Variants in RPS6KA1 observed in about 807,000 individuals in gnomAD.
The protein encoded by RPS6KA1 is ribosomal protein S6 kinase A1, also known as ribosomal protein S6 kinase alpha-1.
A neutral mutation model predicts 91.3 loss-of-function variants in RPS6KA1; 48 were observed. The observed-to-expected ratio is 0.53, with a 90% CI of 0.42 to 0.67. RPS6KA1 has a LOEUF of 0.67. Ranked by LOEUF, RPS6KA1 falls within the 30% of genes least tolerant of loss-of-function variation. RPS6KA1 has a pLI of 0.00. For synonymous variants in RPS6KA1, 359 were observed against 384.7 expected, an observed-to-expected ratio of 0.93 and a Z score of 0.78; for missense variants, 719 against 960.5, an observed-to-expected ratio of 0.75 and a Z score of 3.32.
At chr1:26,530,015 C>A in intron 1 of RPS6KA1, 32 bp downstream of exon 1, 2 of 1,305,824 alleles carry the variant, frequency 1.5e-6, no homozygotes, top group South Asian at 3.9e-5. Context: ...CGGGCGCCCG[C>A]GGCCGGCGAG....
chr1:26,554,187 G>T lies in RPS6KA1; in HGVS notation c.576-27G>T. The stretch of plus-strand genomic sequence containing the variant: ...TCACCCACACGGCCACAGCTGAGGG[G>T]CCCTGACCACTATTTCTCTATTACA... On this transcript the variant is annotated intron_variant, in intron 7 of 21. Transcript: ENST00000374168. This position sits in a 1 kb window ranked among gnomAD's most constrained non-coding sequence, Gnocchi z 4.6. 1 of 1,551,666 alleles carries T rather than the reference G, an allele frequency of 6.4e-7. No individual in the cohort carries two copies. Among genetic ancestry groups the T allele is most frequent in the Non-Finnish European group, 8.7e-7 (1 of 1,146,996 alleles).
Position 26,574,262 on chromosome 1 carries a change from G to C in RPS6KA1, c.*61G>C. The C allele has an allele frequency of 6.2e-7, 1 of 1,605,974 alleles. No homozygotes were observed. The highest frequency in any genetic ancestry group is 1.3e-5 in the African/African-American group (1 of 74,892). ...CTTGACACAGTCAGCATGCTTCCCA[G>C]AGGGAGCAGGCCGGAACCACAGGGC... On this transcript the variant is annotated 3_prime_UTR_variant, in exon 22 of 22. Coordinates refer to ENST00000374168, the MANE Select transcript of RPS6KA1 (RefSeq NM_002953.4). The surrounding 1 kb of genome is among the most constrained non-coding windows in gnomAD (Gnocchi z 4.3).
chr1:26,551,567 G>A lies in RPS6KA1; in HGVS notation c.389-77G>A. On this transcript the variant is annotated intron_variant, in intron 5 of 21. Transcript: ENST00000374168. This position sits in a 1 kb window ranked among gnomAD's most constrained non-coding sequence, Gnocchi z 4.5. ...ACACTGTCCCACCGCCTGCCTGGCA[G>A]GCCAAGGGAGCCAGGGCCGGAGAAG... is the stretch of plus-strand genomic sequence containing the variant. 1.9e-6 allele frequency: 3 copies of A among 1,597,422 alleles called. No individual in the cohort carries two copies. Among genetic ancestry groups the A allele is most frequent in the Non-Finnish European group, 2.6e-6 (3 of 1,164,844 alleles).
At chr1:26,543,134 C>T in intron 2 of RPS6KA1, 1 of 1,535,258 alleles carries the variant, frequency 6.5e-7, no homozygotes, top group Non-Finnish European at 8.7e-7. Flanking sequence ...AGTAACGGGG[C>T]CCTCTGGTCA....
At chr1:26,545,735 G>C (rs573275442) in intron 2 of RPS6KA1, 2 of 951,584 alleles carry the variant, frequency 2.1e-6, no homozygotes, top group African/African-American at 3.5e-5. Context: ...AACGTGGTGA[G>C]GGTGTAGGCC....
At position 26,554,105 on chromosome 1, in the gene RPS6KA1, T is replaced by C; in HGVS notation, c.576-109T>C. The C allele has an allele frequency of 1.8e-6, 2 of 1,136,158 alleles. No homozygotes were observed. Among genetic ancestry groups the C allele is most frequent in the Non-Finnish European group, 2.5e-6 (2 of 797,446 alleles). The allele number at this position is 1,136,158 out of a possible 1,614,324, so 70.4% of individuals were successfully genotyped here. The stretch of plus-strand genomic sequence containing the variant: ...CACCCGCCCAGTCATCAGAGAGAAT[T>C]GGGTGGAGCACCTCCTCTGGGCTGA... On this transcript the variant is annotated intron_variant, in intron 7 of 21. Transcript: ENST00000374168. The surrounding 1 kb of genome is among the most constrained non-coding windows in gnomAD (Gnocchi z 4.6).
At chr1:26,539,435 G>A (rs1224746411) in intron 2 of RPS6KA1, among the ~76,000 whole-genome samples, 2 of 152,184 alleles carry the variant, frequency 1.3e-5, no homozygotes, top group Admixed American at 1.3e-4. Flanking sequence ...AAGAGAGTCA[G>A]GGATTCTGAG....
rs2076123310 is a variant in RPS6KA1 at position 26,558,274 on chromosome 1, A to C, written c.1085-533A>C. 6.6e-6 allele frequency among the ~76,000 whole-genome samples: 1 copy of C among 152,176 alleles called. No individual in the cohort carries two copies. The highest frequency in any genetic ancestry group is 1.5e-5 in the Non-Finnish European group (1 of 68,030). Reference sequence around the variant, plus strand: ...GGCAAGGAGTGGATTATCTAGTTAAAGGGAACAGTGTGTGCAAGGGCTCAG... The same window carrying C: ...GGCAAGGAGTGGATTATCTAGTTAACGGGAACAGTGTGTGCAAGGGCTCAG... On this transcript the variant is annotated intron_variant, in intron 13 of 21. Transcript: ENST00000374168. The surrounding 1 kb of genome is among the most constrained non-coding windows in gnomAD (Gnocchi z 4.0).
rs539628069 is a variant in RPS6KA1 at position 26,564,499 on chromosome 1, C to A, written c.1590+2836C>A. 3.9e-5 allele frequency among the ~76,000 whole-genome samples: 6 copies of A among 152,324 alleles called. No homozygotes were observed. The East Asian group carries it at 9.6e-4, about 24-fold the overall frequency. On this transcript the variant is annotated intron_variant, in intron 17 of 21. Coordinates refer to ENST00000374168, the MANE Select transcript of RPS6KA1 (RefSeq NM_002953.4). ...GGTTTCGATCACCTGACCTTGTGAT[C>A]TGCCCGCCTCGGCCTCCCAAAGAGC...
intron 14 of RPS6KA1, among the ~76,000 whole-genome samples, chr1:26,560,075 A>G (rs1048184415): frequency 6.6e-6 from 1 of 152,238 alleles, no homozygotes; most frequent in Non-Finnish European, 1.5e-5. Context: ...ATAAATAAAT[A>G]AAATAAAAAA....
At chr1:26,541,879 G>T (rs931560919) in intron 2 of RPS6KA1, among the ~76,000 whole-genome samples, 1 of 152,220 alleles carries the variant, frequency 6.6e-6, no homozygotes, top group Admixed American at 6.5e-5. Context: ...TAGAGACCAC[G>T]GATCAGGCCT....
chr1:26,554,606 G>T lies in RPS6KA1; in HGVS notation c.624G>T (p.Leu208=). ...EGHIKLTDFG[L]SKEAIDHEKK... ...CCCTCCTTGCTGTAGACTTTGGCCT[G>T]AGCAAAGAGGCCATTGACCACGAGA... Residue 208 remains leucine (L), a synonymous_variant, in exon 9 of 22, where the codon CTG becomes CTT. Transcript: ENST00000374168. This position sits in a 1 kb window ranked among gnomAD's most constrained non-coding sequence, Gnocchi z 4.6. 6.2e-7 allele frequency: 1 copy of T among 1,612,678 alleles called. No homozygotes were observed. The highest frequency in any genetic ancestry group is 8.5e-7 in the Non-Finnish European group (1 of 1,178,956).
At chr1:26,570,365 C>G (rs2076239034) in intron 17 of RPS6KA1, among the ~76,000 whole-genome samples, 1 of 151,976 alleles carries the variant, frequency 6.6e-6, no homozygotes, top group African/African-American at 2.4e-5. Flanking sequence ...GCACATGCCT[C>G]TAGTCCCAGC....
chr1:26,572,362 G>T (rs1373639350), intron 20 of RPS6KA1, 69 bp downstream of exon 20: 1 of 1,026,116 alleles, frequency 9.7e-7, no homozygotes, highest in Non-Finnish European at 1.5e-6. Context: ...GGGCTTTTCA[G>T]CAGTTCATGA....
At position 26,574,758 on chromosome 1, in the gene RPS6KA1, G is replaced by A; in HGVS notation, c.*557G>A. On this transcript the variant is annotated 3_prime_UTR_variant, in exon 22 of 22. Coordinates refer to ENST00000374168, the MANE Select transcript of RPS6KA1 (RefSeq NM_002953.4). The surrounding 1 kb of genome is among the most constrained non-coding windows in gnomAD (Gnocchi z 4.3). ...CTAGAACCACTTCCTGCTACAGGAG[G>A]GGTCTCATGTCCTGCTGGCTTCCAG... The A allele has an allele frequency of 2.5e-5, 7 of 276,880 alleles. No homozygotes were observed. The highest frequency in any genetic ancestry group is 9.9e-5 in the Admixed American group (2 of 20,202). 17.2% of individuals were successfully genotyped at this position (276,880 alleles called of 1,614,324 possible).
chr1:26,529,825 C>T lies in RPS6KA1; in HGVS notation c.-96C>T, dbSNP rs1252234349. 6.5e-6 allele frequency: 6 copies of T among 926,208 alleles called. No homozygotes were observed. The highest frequency in any genetic ancestry group is 4.7e-5 in the Admixed American group (1 of 21,258). The allele number at this position is 926,208 out of a possible 1,614,324, so 57.4% of individuals were successfully genotyped here. On this transcript the variant is annotated 5_prime_UTR_variant, in exon 1 of 22. Transcript: ENST00000374168. The surrounding 1 kb of genome is among the most constrained non-coding windows in gnomAD (Gnocchi z 4.2). Reference sequence around the variant, plus strand: ...CCGGAGCGCGAGGGGCTCGGGGGGGCGCGGCGGTTCGGGTCGCAGAGCCAG... The same window carrying T: ...CCGGAGCGCGAGGGGCTCGGGGGGGTGCGGCGGTTCGGGTCGCAGAGCCAG...
intron 17 of RPS6KA1, among the ~76,000 whole-genome samples, chr1:26,570,771 T>G (rs545855880): frequency 6.6e-6 from 1 of 152,332 alleles, no homozygotes; most frequent in Non-Finnish European, 1.5e-5. Context: ...AATATTATGT[T>G]AAGTAGTGGG....
intron 1 of RPS6KA1, chr1:26,530,971 A>G: frequency 9.4e-7 from 1 of 1,065,092 alleles, no homozygotes; most frequent in Non-Finnish European, 1.2e-6. Flanking sequence ...ATTTGAGCCC[A>G]GGAGCTGAGA....
intron 4 of RPS6KA1, among the ~76,000 whole-genome samples, chr1:26,549,690 C>CTTTTTTT (rs561375723): frequency 4.9e-5 from 5 of 101,918 alleles, no homozygotes; most frequent in Non-Finnish European, 7.5e-5. Flanking sequence ...AAAGCCTGTT[C>CTTTTTTT]TTTTTTTTTT....
Sources: allele counts gnomAD v4.1 joint callset (sites outside exome capture counted in the v4.1 genomes callset), GRCh38; gene constraint gnomAD v4.1.1; non-coding constraint Gnocchi (gnomAD v3.1); transcripts MANE v1.5; gene names NCBI Gene and HGNC (gene_info 2026-07-23, HGNC 2026-07-21).